The following NUP214 variants were observed in gnomAD, a reference collection of about 807,000 sequenced individuals.
The protein encoded by NUP214 is nuclear pore complex protein Nup214.
NUP214 carries 79 observed loss-of-function variants against 196.2 expected under a neutral mutation model. The observed-to-expected ratio is 0.40, with a 90% CI of 0.34 to 0.49. The LOEUF is 0.49. Among genes scored for constraint, NUP214 ranks in the 20% least tolerant of loss-of-function variants. The probability of loss-of-function intolerance (pLI) is 0.58; values close to 1 mark genes in which losing one functional copy is unlikely to be tolerated. For missense variants in NUP214, 2,468 were observed against 2,539.0 expected (o/e 0.97, Z 0.60); for synonymous variants, 1,020 against 990.5 (o/e 1.03, Z -0.56).
chr9:131,220,126 A>G (rs570926204), intron 31 of NUP214, among the ~76,000 whole-genome samples: 34 of 152,348 alleles, frequency 2.2e-4, no homozygotes, highest in African/African-American at 7.5e-4. Context: ...TGGCACCCCT[A>G]AAGTGTCAGT....
rs1833838789 is a variant in NUP214 at position 131,197,970 on chromosome 9, C to T, written c.4476C>T (p.Ser1492=). Residue 1492 remains serine, a synonymous_variant, in exon 29 of 36, where the codon AGC becomes AGT. Coordinates refer to ENST00000359428, the MANE Select transcript of NUP214 (RefSeq NM_005085.4). ...TPSLPMSAGR[S]TEEATSSALP... ...CCCTGCCTATGTCCGCTGGCAGAAG[C>T]ACAGAAGAGGCCACTTCATCAGCTT... is the stretch of plus-strand genomic sequence containing the variant. 2 of 1,614,112 alleles carry T rather than the reference C, an allele frequency of 1.2e-6. No individual in the cohort carries two copies. The highest frequency in any genetic ancestry group is 1.3e-5 in the African/African-American group (1 of 74,940).
At chr9:131,147,643 C>T (rs1832123408) in intron 14 of NUP214, 59 bp downstream of exon 14, 2 of 1,218,614 alleles carry the variant, frequency 1.6e-6, no homozygotes, top group Admixed American at 1.8e-5. Flanking sequence ...CCAAGCATAC[C>T]TATGAATAAA....
chr9:131,197,537 C>T lies in NUP214; in HGVS notation c.4043C>T (p.Pro1348Leu). ...GGCCAAGCAGATGATTCTACAAAAC[C>T]AACCAATAAGGCTTCATCCACAAGC... The part of the protein sequence containing the change: ...RVGQADDSTK[P>L]TNKASSTSLT... The change falls in exon 29 of 36, where the codon CCA (proline) becomes CTA (leucine). Residue 1348 changes from proline to leucine, a missense_variant. Transcript: ENST00000359428. The T allele has an allele frequency of 6.2e-7, 1 of 1,614,140 alleles. No homozygotes were observed. Among genetic ancestry groups the T allele is most frequent in the South Asian group, 1.1e-5 (1 of 91,080 alleles).
At position 131,125,804 on chromosome 9, in the gene NUP214, G is replaced by A. The variant is rs1564174398; in HGVS notation, c.45+55G>A. On this transcript the variant is annotated intron_variant, in intron 1 of 35. Transcript: ENST00000359428. This position sits in a 1 kb window ranked among gnomAD's most constrained non-coding sequence, Gnocchi z 4.1. ...TCTTTAGTCCTGGCGTTGCCTTGGAGCCCAGCTGAAAGGCGAAGCGCGGTG... is the reference window on the plus strand; with the variant it reads ...TCTTTAGTCCTGGCGTTGCCTTGGAACCCAGCTGAAAGGCGAAGCGCGGTG... The A allele has an allele frequency of 1.3e-6, 2 of 1,543,680 alleles. No homozygotes were observed. Among genetic ancestry groups the A allele is most frequent in the East Asian group, 2.5e-5 (1 of 40,488 alleles).
At position 131,198,672 on chromosome 9, in the gene NUP214, C is replaced by T. The variant is rs200091839; in HGVS notation, c.5178C>T (p.Phe1726=). The T allele has an allele frequency of 1.4e-5, 22 of 1,614,102 alleles. No individual in the cohort carries two copies. Among genetic ancestry groups the T allele is most frequent in the South Asian group, 4.4e-5 (4 of 91,088 alleles). ...CAGGGGTCTTTGGACAGACAACCTT[C>T]GGGCAGGCCTCAGTCTTTGGGCAGT... is the stretch of plus-strand genomic sequence containing the variant. ...TAPGVFGQTT[F]GQASVFGQSA... is the part of the protein sequence containing the mutation. Residue 1726 remains phenylalanine, a synonymous_variant, in exon 29 of 36, where the codon TTC becomes TTT. Transcript: ENST00000359428.
At chr9:131,199,811 T>G (rs1261881241) in intron 29 of NUP214, among the ~76,000 whole-genome samples, 10 of 152,244 alleles carry the variant, frequency 6.6e-5, no homozygotes, top group Admixed American at 6.5e-4. Context: ...AACTGCTAAT[T>G]CATTATTCGA....
chr9:131,159,718 A>G lies in NUP214; in HGVS notation c.2540+232A>G, dbSNP rs111793237. ...ACCAAAAACACAAAATTAGCCGGGC[A>G]TGGTGGCACATGCCTATAATCCCAG... On this transcript the variant is annotated intron_variant, in intron 18 of 35. Transcript: ENST00000359428. Among the ~76,000 whole-genome samples, 254 of 152,222 alleles carry G rather than the reference A, an allele frequency of 1.7e-3. 1 individual carries two copies. The highest frequency in any genetic ancestry group is 4.3e-3 in the Admixed American group (66 of 15,292).
chr9:131,173,978 TA>T, intron 21 of NUP214, 76 bp from the exon 22 acceptor site: 1 of 1,483,004 alleles, frequency 6.7e-7, no homozygotes. Context: ...TTTTTTTTTT[TA>T]TCAACAGTGA....
rs556374878 is a variant in NUP214, at chr9:131,137,016, A to G, written c.1005+1010A>G. Among the ~76,000 whole-genome samples, 56 of 152,344 alleles carry G rather than the reference A, an allele frequency of 3.7e-4. 1 individual carries two copies. The South Asian group carries it at 0.011, about 30-fold the overall frequency. On this transcript the variant is annotated intron_variant, in intron 9 of 35. Transcript: ENST00000359428. ...TTTATCTGTCACTCTCTGGGTGGCC[A>G]GGTGGCCCATTAGGAGGGCCATGGC... is the stretch of plus-strand genomic sequence containing the variant.
At chr9:131,190,668 G>T in intron 26 of NUP214, 2 of 516,516 alleles carry the variant, frequency 3.9e-6, no homozygotes, top group Non-Finnish European at 6.8e-6. Context: ...TACATGCCCA[G>T]AAAAAGCCTA....
At position 131,132,452 on chromosome 9, in the gene NUP214, G is replaced by C. The variant is rs1831585578; in HGVS notation, c.664-144G>C. On this transcript the variant is annotated intron_variant, in intron 5 of 35. Coordinates refer to ENST00000359428, the MANE Select transcript of NUP214 (RefSeq NM_005085.4). ...TCTGTAGGATGAAGTCCTGGAAGTA[G>C]ATAGCACTATTCTGTTTCTTCAGTC... 4.4e-6 allele frequency: 3 copies of C among 685,488 alleles called. 1 individual carries two copies. In the East Asian group the frequency reaches 8.2e-5, roughly 19 times the overall value. 42.5% of individuals were successfully genotyped at this position (685,488 alleles called of 1,614,324 possible). A position where few individuals can be genotyped will look rare whatever the true frequency, so the allele number is the denominator to read the frequency against.
intron 27 of NUP214, among the ~76,000 whole-genome samples, chr9:131,193,624 C>CTT: frequency 5.7e-5 from 1 of 17,664 alleles, no homozygotes; most frequent in Admixed American, 9.1e-4. Flanking sequence ...ATTCTTCTTC[C>CTT]TTTTCTTTTT....
chr9:131,233,558 A>C lies in NUP214; in HGVS notation c.*71A>C, dbSNP rs1300469735. 2 of 1,586,998 alleles carry C rather than the reference A, an allele frequency of 1.3e-6. No homozygotes were observed. The highest frequency in any genetic ancestry group is 8.6e-7 in the Non-Finnish European group (1 of 1,158,460). ...CAGCTTCTTCCCCGAGAAATGCTGG[A>C]GCAGGCTGTTCAGACCGACGTTGCC... On this transcript the variant is annotated 3_prime_UTR_variant, in exon 36 of 36. Coordinates refer to ENST00000359428, the MANE Select transcript of NUP214 (RefSeq NM_005085.4).
chr9:131,130,289 G>A lies in NUP214; in HGVS notation c.593-477G>A, dbSNP rs138070911. On this transcript the variant is annotated intron_variant, in intron 4 of 35. Transcript: ENST00000359428. ...CTCCAGAGTAGTTGGGATTACAGGT[G>A]CCTGCCACCATGCCCAGCTAATTTT... Among the ~76,000 whole-genome samples, 761 of 151,502 alleles carry A rather than the reference G, an allele frequency of 5.0e-3. 6 individuals carry two copies. Among genetic ancestry groups the A allele is most frequent in the Non-Finnish European group, 8.9e-3 (603 of 67,858 alleles).
intron 30 of NUP214, among the ~76,000 whole-genome samples, chr9:131,204,699 C>G (rs1834032023): frequency 1.3e-5 from 2 of 152,030 alleles, no homozygotes; most frequent in Non-Finnish European, 2.9e-5. Flanking sequence ...GGAGAAAATC[C>G]AACACACATT....
intron 16 of NUP214, among the ~76,000 whole-genome samples, chr9:131,151,069 A>C (rs1046977500): frequency 1.3e-5 from 2 of 152,266 alleles, no homozygotes; most frequent in South Asian, 2.1e-4. Context: ...TATAATTGTT[A>C]ATTTAATTTA....
In NUP214 at chr9:131,198,378, A is replaced by G; in HGVS notation, c.4884A>G (p.Pro1628=). 6.2e-7 allele frequency: 1 copy of G among 1,614,236 alleles called. No homozygotes were observed. Among genetic ancestry groups the G allele is most frequent in the East Asian group, 2.2e-5 (1 of 44,894 alleles). Residue 1628 remains proline (P), a synonymous_variant, in exon 29 of 36, where the codon CCA becomes CCG. Coordinates refer to ENST00000359428, the MANE Select transcript of NUP214 (RefSeq NM_005085.4). ...CCACGTCCATTGTTGCTCCCGGCCC[A>G]TCTGCAGAGGCAGCAGCATTTGGTA... ...SSTTSIVAPG[P]SAEAAAFGTV... is the part of the protein sequence containing the mutation.
intron 32 of NUP214, among the ~76,000 whole-genome samples, chr9:131,225,731 G>A (rs891992361): frequency 2.6e-5 from 4 of 152,224 alleles, no homozygotes; most frequent in African/African-American, 9.6e-5. Context: ...AGAAGGAAGG[G>A]CTGCTGTGAA....
chr9:131,169,737 ACT>A lies in NUP214; in HGVS notation c.2894-4315_2894-4314del, dbSNP rs567520890. Reference sequence around the variant, plus strand: ...CTGTGGTTTCCATTGCACCTACCTAACTCTGCTGTTGTAATGGGAAAGCAGCC... The same window carrying A: ...CTGTGGTTTCCATTGCACCTACCTAACTGCTGTTGTAATGGGAAAGCAGCC... On this transcript the variant is annotated intron_variant, in intron 21 of 35. Transcript: ENST00000359428. 5.3e-4 allele frequency among the ~76,000 whole-genome samples: 81 copies of A among 152,186 alleles called. 1 individual carries two copies. Among genetic ancestry groups the A allele is most frequent in the African/African-American group, 1.5e-3 (63 of 41,506 alleles).
Sources: allele counts gnomAD v4.1 joint callset (sites outside exome capture counted in the v4.1 genomes callset), GRCh38; gene constraint gnomAD v4.1.1; non-coding constraint Gnocchi (gnomAD v3.1); transcripts MANE v1.5; gene names NCBI Gene and HGNC (gene_info 2026-07-23, HGNC 2026-07-21).